Variants in LEPR observed in about 807,000 individuals in gnomAD.
LEPR encodes OB receptor.
A neutral mutation model predicts 114.7 loss-of-function variants in LEPR; 56 were observed. The ratio of observed to expected loss-of-function variants is 0.49; its 90% CI spans 0.39 to 0.61. The LOEUF (loss-of-function observed/expected upper bound fraction) is 0.61. LEPR is among the 20% of genes least tolerant of loss of function. The probability of loss-of-function intolerance (pLI) is 0.00; values close to 1 mark genes in which losing one functional copy is unlikely to be tolerated. For synonymous variants in LEPR, 443 were observed against 461.4 expected, an observed-to-expected ratio of 0.96 and a Z score of 0.51; for missense variants, 1,202 against 1,352.9, an observed-to-expected ratio of 0.89 and a Z score of 1.75.
intron 2 of LEPR, among the ~76,000 whole-genome samples, chr1:65,444,707 A>T (rs961692273): frequency 6.6e-6 from 1 of 152,208 alleles, no homozygotes; most frequent in Admixed American, 6.5e-5. Flanking sequence ...ACTTTATTTA[A>T]ATGAGAAAAG....
chr1:65,550,341 C>T (rs1026403351), intron 2 of LEPR, among the ~76,000 whole-genome samples: 4 of 152,210 alleles, frequency 2.6e-5, no homozygotes, highest in African/African-American at 7.2e-5. Flanking sequence ...CTGCTCTCTT[C>T]AACGCTGTCA....
chr1:65,597,500 G>T (rs1189811149), intron 7 of LEPR, among the ~76,000 whole-genome samples: 1 of 151,966 alleles, frequency 6.6e-6, no homozygotes, highest in Non-Finnish European at 1.5e-5. Context: ...GGTTGGGGAG[G>T]GTGACATTTG....
chr1:65,571,593 A>G (rs1230002003), intron 4 of LEPR, among the ~76,000 whole-genome samples: 1 of 150,224 alleles, frequency 6.7e-6, no homozygotes, highest in Non-Finnish European at 1.5e-5. Context: ...TTTCACATGT[A>G]TGAGTGAGAT....
chr1:65,616,187 A>C lies in LEPR; in HGVS notation c.2175A>C (p.Ala725=), dbSNP rs1409614598. Residue 725 remains alanine, a synonymous_variant, in exon 15 of 20, where the codon GCA becomes GCC. Transcript: ENST00000349533. ...LAINSIGASV[A]NFNLTFSWPM... ...TCAATTCAATTGGTGCTTCTGTTGC[A>C]AATTTTAATTTAACCTTTTCATGGC... is the stretch of plus-strand genomic sequence containing the variant. 2 of 1,614,090 alleles carry C rather than the reference A, an allele frequency of 1.2e-6. No homozygotes were observed. The highest frequency in any genetic ancestry group is 3.3e-5 in the Admixed American group (2 of 60,010).
chr1:65,592,105 A>T (rs1422852550), intron 5 of LEPR, among the ~76,000 whole-genome samples: 1 of 152,030 alleles, frequency 6.6e-6, no homozygotes, highest in East Asian at 1.9e-4. Flanking sequence ...CAAGCTTGGT[A>T]CTAATGCCAT....
chr1:65,435,534 A>T, intron 2 of LEPR: 1 of 410,868 alleles, frequency 2.4e-6, no homozygotes, highest in Non-Finnish European at 3.3e-6. Flanking sequence ...CGCCTGGCTA[A>T]TTTTTTTGTA....
At chr1:65,450,507 A>G (rs1169758622) in intron 2 of LEPR, among the ~76,000 whole-genome samples, 1 of 141,780 alleles carries the variant, frequency 7.1e-6, no homozygotes, top group Admixed American at 7.2e-5. Flanking sequence ...ATTCCCACCT[A>G]TGAGTGAGAA....
chr1:65,608,994 A>C, intron 12 of LEPR, 93 bp downstream of exon 12: 2 of 1,494,522 alleles, frequency 1.3e-6, no homozygotes, highest in Non-Finnish European at 1.8e-6. Context: ...TTATTGGCAT[A>C]AAAGTACATT....
At chr1:65,489,841 C>T (rs992466890) in intron 2 of LEPR, among the ~76,000 whole-genome samples, 1 of 152,058 alleles carries the variant, frequency 6.6e-6, no homozygotes, top group South Asian at 2.1e-4. Flanking sequence ...TTTCCCTGGC[C>T]CCTATCACTT....
At chr1:65,531,100 C>T (rs936009847) in intron 2 of LEPR, among the ~76,000 whole-genome samples, 2 of 152,170 alleles carry the variant, frequency 1.3e-5, no homozygotes, top group African/African-American at 4.8e-5. Flanking sequence ...ACCTCCAAGG[C>T]CCTACCTGAT....
chr1:65,532,367 C>A (rs536605732), intron 2 of LEPR, among the ~76,000 whole-genome samples: 1 of 152,122 alleles, frequency 6.6e-6, no homozygotes, highest in Non-Finnish European at 1.5e-5. Flanking sequence ...GATGGATACT[C>A]GTGAGCCATC....
At chr1:65,421,381 AAAC>A in intron 1 of LEPR, 1 of 1,536,054 alleles carries the variant, frequency 6.5e-7, no homozygotes, top group East Asian at 2.4e-5. Flanking sequence ...CAGTTGGTAA[AAAC>A]ACCGCGTCCC....
chr1:65,566,070 A>T (rs184744231), intron 3 of LEPR, among the ~76,000 whole-genome samples: 1 of 152,286 alleles, frequency 6.6e-6, no homozygotes, highest in East Asian at 1.9e-4. Context: ...CACTGTATGA[A>T]TATATATAAA....
At chr1:65,538,916 C>G (rs1650969573) in intron 2 of LEPR, among the ~76,000 whole-genome samples, 1 of 151,820 alleles carries the variant, frequency 6.6e-6, no homozygotes, top group African/African-American at 2.4e-5. Flanking sequence ...ACACTTGTGC[C>G]TTTTATCGCT....
Position 65,601,861 on chromosome 1 carries a change from C to T in LEPR, c.1304C>T (p.Ser435Leu), listed in dbSNP as rs1656462379. ...CAAATAGATGTCAATATCAATATCT[C>T]ATGTGAAACTGATGGGTACTTAACT... ...LYVIDVNINISCETDGYLTKM... is the reference protein window; with the variant it reads ...LYVIDVNINILCETDGYLTKM... The change falls in exon 10 of 20, where the codon TCA (serine) becomes TTA (leucine). Residue 435 changes from serine to leucine, a missense_variant. Ser to Leu is a moderately radical substitution (Grantham distance 145). Transcript: ENST00000349533. 2.5e-6 allele frequency: 4 copies of T among 1,613,292 alleles called. No individual in the cohort carries two copies. The highest frequency in any genetic ancestry group is 3.4e-6 in the Non-Finnish European group (4 of 1,179,440).
At chr1:65,629,846 C>A (rs1291869627) in intron 19 of LEPR, among the ~76,000 whole-genome samples, 1 of 152,082 alleles carries the variant, frequency 6.6e-6, no homozygotes, top group Non-Finnish European at 1.5e-5. Context: ...CTACTTCAAT[C>A]AGGACTAGGC....
rs538085208 is a variant in LEPR, at chr1:65,439,258, AAT to A, written c.-21+13881_-21+13882del. Among the ~76,000 whole-genome samples the A allele has an allele frequency of 3.7e-3, 561 of 152,318 alleles. 6 individuals are homozygous for A. The highest frequency in any genetic ancestry group is 0.013 in the African/African-American group (540 of 41,568). ...AAATCCCGGTAAGATTTTTAGGAGA[AAT>A]TAATATATTCCCTGATTTCTAACTT... On this transcript the variant is annotated intron_variant, in intron 2 of 19. Coordinates refer to ENST00000349533, the MANE Select transcript of LEPR (RefSeq NM_002303.6).
chr1:65,513,591 A>G (rs1649141584), intron 2 of LEPR, among the ~76,000 whole-genome samples: 1 of 152,194 alleles, frequency 6.6e-6, no homozygotes, highest in African/African-American at 2.4e-5. Flanking sequence ...TTGCTGTCAA[A>G]TCCCATTATA....
chr1:65,421,202 A>G lies in LEPR; in HGVS notation c.-97+462A>G, dbSNP rs866494109. On this transcript the variant is annotated intron_variant, in intron 1 of 19. Coordinates refer to ENST00000349533, the MANE Select transcript of LEPR (RefSeq NM_002303.6). The stretch of plus-strand genomic sequence containing the variant: ...TTCCTAATGATTTTTCCAACTGGGC[A>G]GAGTTGACCGCGGGCGGGTGTCAAT... The G allele has an allele frequency of 7.2e-6, 7 of 966,020 alleles. No individual in the cohort carries two copies. The African/African-American group carries it at 8.2e-5, about 11-fold the overall frequency. 59.8% of individuals were successfully genotyped at this position (966,020 alleles called of 1,614,324 possible).
Sources: gnomAD v4.1 joint callset for allele counts (sites outside exome capture counted in the v4.1 genomes callset) on GRCh38, gnomAD v4.1.1 for gene constraint, MANE v1.5 for transcripts, NCBI Gene and HGNC (gene_info 2026-07-23, HGNC 2026-07-21) for gene names.